Variants in PAX7 observed in about 807,000 individuals in gnomAD.
The protein encoded by PAX7 is paired box protein Pax-7.
Under a neutral mutation model 50.7 loss-of-function variants are expected in PAX7, and 18 were observed. The observed-to-expected ratio is 0.36, with a 90% CI of 0.25 to 0.53. The LOEUF is 0.53. PAX7 is among the 20% of genes least tolerant of loss of function. PAX7 has a pLI of 0.93. For synonymous variants in PAX7, 310 were observed against 290.4 expected, an observed-to-expected ratio of 1.07 and a Z score of -0.69; for missense variants, 644 against 702.9, an observed-to-expected ratio of 0.92 and a Z score of 0.95.
intron 7 of PAX7, among the ~76,000 whole-genome samples, chr1:18,716,812 CTCT>C (rs1379546546): frequency 6.6e-6 from 1 of 151,754 alleles, no homozygotes. Flanking sequence ...CAACAAACAC[CTCT>C]TCCCCCTCCA....
chr1:18,672,040 A>G (rs2088757830), intron 4 of PAX7, among the ~76,000 whole-genome samples: 1 of 152,122 alleles, frequency 6.6e-6, no homozygotes, highest in Non-Finnish European at 1.5e-5. Context: ...CTGTTGGTGT[A>G]GTTGTCAAGA....
chr1:18,667,436 AAGGAAGGAAGGAAG>A (rs2088686355), intron 4 of PAX7, among the ~76,000 whole-genome samples: 1 of 151,306 alleles, frequency 6.6e-6, no homozygotes, highest in Non-Finnish European at 1.5e-5. Flanking sequence ...GGAAGGAAGG[AAGGAAGGAAGGAAG>A]GAGCTTTGGT....
At chr1:18,712,292 G>C (rs186725405) in intron 7 of PAX7, among the ~76,000 whole-genome samples, 1 of 152,052 alleles carries the variant, frequency 6.6e-6, no homozygotes, top group East Asian at 1.9e-4. Flanking sequence ...ACCCACCTCA[G>C]TGGGAAACGC....
chr1:18,748,594 A>T lies in PAX7; in HGVS notation c.*3665A>T. The T allele has an allele frequency of 4.3e-6, 1 of 231,896 alleles. No homozygotes were observed. Among genetic ancestry groups the T allele is most frequent in the East Asian group, 6.1e-5 (1 of 16,432 alleles). 14.4% of individuals were successfully genotyped at this position (231,896 alleles called of 1,614,324 possible). The stretch of plus-strand genomic sequence containing the variant: ...GTACTCTAGATCATTCCTTCTTCCT[A>T]GTAACTGCAACTTTGTTGCTTCTGT... On this transcript the variant is annotated 3_prime_UTR_variant, in exon 9 of 9. Transcript: ENST00000420770.
rs748193866 is a variant in PAX7, at chr1:18,744,872, C to G, written c.1461C>G (p.Leu487=). The change falls in exon 9 of 9, where the codon CTC becomes CTG. Residue 487 remains leucine (L), a synonymous_variant. Coordinates refer to ENST00000420770, the MANE Select transcript of PAX7 (RefSeq NM_001135254.2). ...VSLSTQRRMK[L]GEHSAVLGLL... ...TCTCCACCCAGCGTCGCATGAAGCT[C>G]GGGGAGCACTCTGCTGTGCTGGGAC... 4.5e-6 allele frequency: 7 copies of G among 1,558,670 alleles called. No homozygotes were observed. The highest frequency in any genetic ancestry group is 1.9e-5 in the Admixed American group (1 of 52,016).
intron 4 of PAX7, among the ~76,000 whole-genome samples, chr1:18,650,047 T>C: frequency 6.6e-6 from 1 of 152,142 alleles, no homozygotes; most frequent in East Asian, 1.9e-4. Flanking sequence ...AAACAGCCTG[T>C]TTCCCCATGG....
chr1:18,739,658 G>A (rs540498784), intron 8 of PAX7, among the ~76,000 whole-genome samples: 1 of 152,314 alleles, frequency 6.6e-6, no homozygotes, highest in Non-Finnish European at 1.5e-5. Flanking sequence ...ACCTTCAGGT[G>A]TGCATGGAAC....
intron 7 of PAX7, among the ~76,000 whole-genome samples, chr1:18,704,239 T>G (rs2089257075): frequency 6.6e-6 from 1 of 152,248 alleles, no homozygotes; most frequent in Non-Finnish European, 1.5e-5. Flanking sequence ...CCCTGTTTTT[T>G]GTAAATAAAG....
At chr1:18,655,616 G>A (rs963208320) in intron 4 of PAX7, among the ~76,000 whole-genome samples, 8 of 152,228 alleles carry the variant, frequency 5.3e-5, no homozygotes, top group African/African-American at 1.9e-4. Context: ...AGGCCTGTCA[G>A]CTGAAGTCTG....
Position 18,700,824 on chromosome 1 carries a change from T to C in PAX7, c.952+6T>C, listed in dbSNP as rs1341264052. On this transcript the variant is annotated splice_donor_region_variant and intron_variant, in intron 6 of 8. Transcript: ENST00000420770. This position sits in a 1 kb window ranked among gnomAD's most constrained non-coding sequence, Gnocchi z 4.8. The stretch of plus-strand genomic sequence containing the variant: ...CACCACCACCATCTCCCAAGGTGAG[T>C]GTCTTGGCCCCGTCCTGCCATCTCA... 1 of 1,485,262 alleles carries C rather than the reference T, an allele frequency of 6.7e-7. No homozygotes were observed. Among genetic ancestry groups the C allele is most frequent in the Admixed American group, 2.3e-5 (1 of 43,362 alleles). The allele number at this position is 1,485,262 out of a possible 1,614,324, so 92.0% of individuals were successfully genotyped here. A position where few individuals can be genotyped will look rare whatever the true frequency, so the allele number is the denominator to read the frequency against.
At chr1:18,654,545 C>A (rs907790363) in intron 4 of PAX7, among the ~76,000 whole-genome samples, 3 of 152,202 alleles carry the variant, frequency 2.0e-5, no homozygotes, top group Non-Finnish European at 2.9e-5. Context: ...TTCTTCCCAG[C>A]GAGTGGCAAG....
At chr1:18,644,264 T>C (rs2088305073) in intron 4 of PAX7, among the ~76,000 whole-genome samples, 1 of 152,190 alleles carries the variant, frequency 6.6e-6, no homozygotes, top group Non-Finnish European at 1.5e-5. Flanking sequence ...TGTGCCAGGC[T>C]GGAGCAATCT....
intron 5 of PAX7, among the ~76,000 whole-genome samples, chr1:18,699,907 G>A (rs907580565): frequency 5.9e-5 from 9 of 152,142 alleles, no homozygotes; most frequent in African/African-American, 1.9e-4. Context: ...GACTAGCTGT[G>A]TGGACTTGGG....
At chr1:18,687,732 T>C (rs2088998219) in intron 4 of PAX7, among the ~76,000 whole-genome samples, 1 of 152,042 alleles carries the variant, frequency 6.6e-6, no homozygotes, top group Non-Finnish European at 1.5e-5. Flanking sequence ...CCCCACTCAG[T>C]GTCCAGAGGG....
chr1:18,709,032 T>C (rs2089317794), intron 7 of PAX7, among the ~76,000 whole-genome samples: 1 of 152,212 alleles, frequency 6.6e-6, no homozygotes, highest in Non-Finnish European at 1.5e-5. Flanking sequence ...TGCCTTGTGC[T>C]GGAGGCTTCC....
intron 4 of PAX7, among the ~76,000 whole-genome samples, chr1:18,647,209 G>C (rs1362109719): frequency 2.6e-5 from 4 of 152,188 alleles, no homozygotes; most frequent in African/African-American, 9.6e-5. Flanking sequence ...GGGGAGGGGG[G>C]CAAAGGACCT....
chr1:18,674,344 G>C (rs759199048), intron 4 of PAX7, among the ~76,000 whole-genome samples: 1 of 152,232 alleles, frequency 6.6e-6, no homozygotes, highest in African/African-American at 2.4e-5. Flanking sequence ...CCACTCTCCT[G>C]ATACTATGAC....
intron 7 of PAX7, among the ~76,000 whole-genome samples, chr1:18,703,511 A>G (rs76601718): frequency 0.024 from 3,636 of 152,308 alleles, 68 homozygotes; most frequent in Non-Finnish European, 0.036. Flanking sequence ...ACCATGTCCT[A>G]TTGGTGGAGA....
At chr1:18,671,165 G>A (rs940229167) in intron 4 of PAX7, among the ~76,000 whole-genome samples, 2 of 152,228 alleles carry the variant, frequency 1.3e-5, no homozygotes, top group Non-Finnish European at 2.9e-5. Context: ...TTGAGGTAGA[G>A]AGGGGCCTAG....
Sources: allele counts gnomAD v4.1 joint callset (sites outside exome capture counted in the v4.1 genomes callset), GRCh38; gene constraint gnomAD v4.1.1; non-coding constraint Gnocchi (gnomAD v3.1); transcripts MANE v1.5; gene names NCBI Gene and HGNC (gene_info 2026-07-23, HGNC 2026-07-21).